CSMD3: variants seen among roughly 807,000 people sequenced by gnomAD.
CSMD3 encodes the protein CUB and sushi domain-containing protein 3.
CSMD3 carries 177 observed loss-of-function variants against 435.2 expected under a neutral mutation model. The ratio of observed to expected loss-of-function variants is 0.41; its 90% CI spans 0.36 to 0.46. The LOEUF (loss-of-function observed/expected upper bound fraction) is 0.46, where lower values mean the gene tolerates loss of function less well. CSMD3 is among the 20% of genes least tolerant of loss of function. The pLI, the probability that CSMD3 is intolerant of heterozygous loss-of-function variation, is 0.34. For missense variants in CSMD3, 4,265 were observed against 4,504.6 expected (o/e 0.95, Z 1.52); for synonymous variants, 1,656 against 1,520.5 (o/e 1.09, Z -2.07).
chr8:113,050,240 G>T (rs989591857), intron 5 of CSMD3, among the ~76,000 whole-genome samples: 2 of 151,856 alleles, frequency 1.3e-5, no homozygotes, highest in Admixed American at 1.3e-4. Context: ...ATGTATATGT[G>T]TGGGTGTATA....
intron 3 of CSMD3, among the ~76,000 whole-genome samples, chr8:113,245,436 C>T (rs1420539030): frequency 6.6e-6 from 1 of 151,696 alleles, no homozygotes; most frequent in Non-Finnish European, 1.5e-5. Flanking sequence ...TCTCTTAGAG[C>T]TTATCCTGTA....
intron 12 of CSMD3, among the ~76,000 whole-genome samples, chr8:112,803,953 T>C (rs552950278): frequency 6.6e-6 from 1 of 152,290 alleles, no homozygotes; most frequent in African/African-American, 2.4e-5. Context: ...AGATCACCCA[T>C]TGAACCAAGA....
At chr8:112,263,560 G>C (rs964445289) in intron 61 of CSMD3, 79 bp downstream of exon 61, 1 of 1,169,098 alleles carries the variant, frequency 8.6e-7, no homozygotes, top group African/African-American at 1.5e-5. Flanking sequence ...AGGCATTGAA[G>C]GAAGCTTAAC....
At chr8:113,327,203 T>A (rs1357952121) in intron 1 of CSMD3, among the ~76,000 whole-genome samples, 1 of 152,198 alleles carries the variant, frequency 6.6e-6, no homozygotes, top group Non-Finnish European at 1.5e-5. Context: ...AGGGCTATAT[T>A]AATTACACTT....
intron 10 of CSMD3, among the ~76,000 whole-genome samples, chr8:112,916,005 C>T (rs1587661617): frequency 1.3e-5 from 2 of 151,716 alleles, no homozygotes; most frequent in African/African-American, 4.8e-5. Context: ...CCCTTATCAA[C>T]TTACAAATAA....
chr8:112,746,877 C>T (rs2077438785), intron 13 of CSMD3, among the ~76,000 whole-genome samples: 1 of 152,098 alleles, frequency 6.6e-6, no homozygotes, highest in African/African-American at 2.4e-5. Context: ...CTAGCTACCT[C>T]TTCATGTTGT....
At chr8:112,446,549 C>A (rs1038866996) in intron 32 of CSMD3, among the ~76,000 whole-genome samples, 1 of 152,206 alleles carries the variant, frequency 6.6e-6, no homozygotes, top group African/African-American at 2.4e-5. Flanking sequence ...GTCCTATTTA[C>A]AACATACTGG....
At chr8:112,362,355 T>C (rs1827325842) in intron 38 of CSMD3, among the ~76,000 whole-genome samples, 1 of 151,962 alleles carries the variant, frequency 6.6e-6, no homozygotes, top group African/African-American at 2.4e-5. Context: ...TACATTAACA[T>C]TTACCTTGAT....
intron 1 of CSMD3, among the ~76,000 whole-genome samples, chr8:113,409,745 C>T (rs755094398): frequency 3.9e-5 from 6 of 152,170 alleles, no homozygotes; most frequent in Non-Finnish European, 5.9e-5. Flanking sequence ...TGCAAAGTTA[C>T]ACATTATATT....
intron 10 of CSMD3, among the ~76,000 whole-genome samples, chr8:112,901,498 T>A (rs2082107930): frequency 6.6e-6 from 1 of 151,284 alleles, no homozygotes; most frequent in African/African-American, 2.4e-5. Flanking sequence ...AGAAACTGAC[T>A]GAAGTACCTA....
intron 4 of CSMD3, among the ~76,000 whole-genome samples, chr8:113,100,932 A>G (rs2090311207): frequency 6.6e-6 from 1 of 152,090 alleles, no homozygotes; most frequent in Admixed American, 6.6e-5. Context: ...GGTGAGATGG[A>G]GAAGTCGGTC....
chr8:113,071,300 T>G (rs1352540662), intron 5 of CSMD3, among the ~76,000 whole-genome samples: 1 of 152,008 alleles, frequency 6.6e-6, no homozygotes, highest in African/African-American at 2.4e-5. Flanking sequence ...TTTTATTGAT[T>G]ATTCTCTTTG....
chr8:112,652,040 C>T (rs757817372), intron 18 of CSMD3, among the ~76,000 whole-genome samples: 1 of 152,114 alleles, frequency 6.6e-6, no homozygotes. Context: ...CCAATTTATT[C>T]TATATAAAAT....
At chr8:113,142,813 T>C (rs1307813694) in intron 4 of CSMD3, among the ~76,000 whole-genome samples, 1 of 150,684 alleles carries the variant, frequency 6.6e-6, no homozygotes, top group African/African-American at 2.4e-5. Flanking sequence ...GTTACCCTGA[T>C]GTGATTATTA....
intron 26 of CSMD3, 26 bp downstream of exon 26, chr8:112,552,568 A>G (rs774847868): frequency 6.2e-7 from 1 of 1,606,670 alleles, no homozygotes; most frequent in Admixed American, 1.7e-5. Context: ...TTCCCTAGTA[A>G]TGTTGAGAAA....
chr8:112,775,808 G>C (rs1270502113), intron 13 of CSMD3, among the ~76,000 whole-genome samples: 2 of 151,620 alleles, frequency 1.3e-5, no homozygotes, highest in Non-Finnish European at 2.9e-5. Context: ...TTCCATCTTT[G>C]CATAAAATAT....
rs374647575 is a variant in CSMD3 at position 112,281,169 on chromosome 8, C to T, written c.9508+5G>A. The T allele has an allele frequency of 6.3e-7, 1 of 1,599,496 alleles. No homozygotes were observed. Among genetic ancestry groups the T allele is most frequent in the Non-Finnish European group, 8.6e-7 (1 of 1,167,026 alleles). On this transcript the variant is annotated splice_donor_5th_base_variant and intron_variant, in intron 59 of 70. Transcript: ENST00000297405. ...CTGATTTTTAAATATTGAGAATATA[C>T]TTACTTGTACAGTTAGGTAAAGTTC...
chr8:112,932,978 A>AT (rs556236870), intron 9 of CSMD3, among the ~76,000 whole-genome samples: 63 of 152,322 alleles, frequency 4.1e-4, no homozygotes, highest in Admixed American at 2.4e-3. Context: ...TTACACATCA[A>AT]TAAAATATAT....
intron 64 of CSMD3, 133 bp downstream of exon 64, chr8:112,246,887 G>T: frequency 1.4e-6 from 1 of 711,538 alleles, no homozygotes; most frequent in Non-Finnish European, 2.5e-6. Context: ...AAAATTATAT[G>T]CATATAATAT....
Sources: gnomAD v4.1 joint callset for allele counts (sites outside exome capture counted in the v4.1 genomes callset) on GRCh38, gnomAD v4.1.1 for gene constraint, MANE v1.5 for transcripts, NCBI Gene and HGNC (gene_info 2026-07-23, HGNC 2026-07-21) for gene names.